Variants in ADARB2 observed in about 807,000 individuals in gnomAD.
ADARB2 encodes adenosine deaminase RNA specific B2 (inactive), also known as inactive double-stranded RNA-specific editase B2.
A neutral mutation model predicts 62.2 loss-of-function variants in ADARB2; 25 were observed. The observed-to-expected ratio is 0.40, with a 90% CI of 0.29 to 0.56. The LOEUF (loss-of-function observed/expected upper bound fraction) is 0.56, where lower values mean the gene tolerates loss of function less well. Among genes scored for constraint, ADARB2 ranks in the 20% least tolerant of loss-of-function variants. The pLI, the probability that ADARB2 is intolerant of heterozygous loss-of-function variation, is 0.43. For synonymous variants in ADARB2, 572 were observed against 500.8 expected (o/e 1.14, Z -1.90); for missense variants, 1,071 against 1,077.4 (o/e 0.99, Z 0.08).
chr10:1,573,338 C>A (rs1832965917), intron 1 of ADARB2, among the ~76,000 whole-genome samples: 1 of 152,196 alleles, frequency 6.6e-6, no homozygotes, highest in African/African-American at 2.4e-5. Context: ...CCATGTGCAC[C>A]AGCTGTCAAT....
At chr10:1,662,937 G>A (rs537202912) in intron 1 of ADARB2, among the ~76,000 whole-genome samples, 8 of 152,316 alleles carry the variant, frequency 5.3e-5, no homozygotes, top group South Asian at 2.1e-4. Flanking sequence ...TCAGCAGAAC[G>A]CCAGGGTGTG....
chr10:1,273,150 G>C (rs1831279093), intron 3 of ADARB2, among the ~76,000 whole-genome samples: 1 of 152,054 alleles, frequency 6.6e-6, no homozygotes, highest in South Asian at 2.1e-4. Flanking sequence ...TGCAGAGAAC[G>C]TTTTCTCAGT....
chr10:1,498,871 T>C (rs966644335), intron 1 of ADARB2, among the ~76,000 whole-genome samples: 1 of 151,802 alleles, frequency 6.6e-6, no homozygotes, highest in Non-Finnish European at 1.5e-5. Context: ...TCATTTATCA[T>C]TCAGTCATTA....
chr10:1,604,354 A>G (rs1208954058), intron 1 of ADARB2, among the ~76,000 whole-genome samples: 1 of 152,156 alleles, frequency 6.6e-6, no homozygotes, highest in Non-Finnish European at 1.5e-5. Flanking sequence ...CCCGACGTTG[A>G]CTGTTTCTAG....
At chr10:1,273,781 G>C (rs553538708) in intron 3 of ADARB2, among the ~76,000 whole-genome samples, 5 of 152,306 alleles carry the variant, frequency 3.3e-5, no homozygotes, top group Admixed American at 2.6e-4. Flanking sequence ...CCCACCACAG[G>C]CTCCTGCAGG....
At chr10:1,399,560 C>G (rs989390448) in intron 1 of ADARB2, among the ~76,000 whole-genome samples, 3 of 152,158 alleles carry the variant, frequency 2.0e-5, no homozygotes, top group African/African-American at 7.2e-5. Context: ...TGCCTCTCAG[C>G]TTCCCGGGAA....
chr10:1,211,548 G>C (rs1434204798), intron 7 of ADARB2, among the ~76,000 whole-genome samples: 1 of 152,184 alleles, frequency 6.6e-6, no homozygotes, highest in Non-Finnish European at 1.5e-5. Context: ...GGCCTCCCGG[G>C]TTCAGACAGT....
chr10:1,550,103 A>G (rs1249663661), intron 1 of ADARB2, among the ~76,000 whole-genome samples: 2 of 152,156 alleles, frequency 1.3e-5, no homozygotes, highest in Non-Finnish European at 2.9e-5. Flanking sequence ...CCTCTTTCCA[A>G]TAAGCTCTGA....
chr10:1,541,350 C>T (rs71500118), intron 1 of ADARB2, among the ~76,000 whole-genome samples: 4 of 45,886 alleles, frequency 8.7e-5, no homozygotes, highest in Non-Finnish European at 1.4e-4. Flanking sequence ...AGACGCAGTT[C>T]GGACCCTGGA....
chr10:1,694,100 T>C (rs1834707090), intron 1 of ADARB2, among the ~76,000 whole-genome samples: 2 of 152,372 alleles, frequency 1.3e-5, no homozygotes, highest in South Asian at 4.1e-4. Flanking sequence ...GTTTGGGTTT[T>C]CATCATGTAA....
At chr10:1,666,934 G>T (rs757922924) in intron 1 of ADARB2, among the ~76,000 whole-genome samples, 1 of 152,144 alleles carries the variant, frequency 6.6e-6, no homozygotes, top group Non-Finnish European at 1.5e-5. Flanking sequence ...TGACAAACAT[G>T]TCTGTTTACG....
At chr10:1,733,305 A>AATTC (rs1402792758) in intron 1 of ADARB2, among the ~76,000 whole-genome samples, 5 of 152,218 alleles carry the variant, frequency 3.3e-5, no homozygotes, top group Admixed American at 6.5e-5. Context: ...TTCAAAGAAA[A>AATTC]ATTCTGGAAA....
At chr10:1,683,657 G>T (rs1834567044) in intron 1 of ADARB2, among the ~76,000 whole-genome samples, 1 of 152,122 alleles carries the variant, frequency 6.6e-6, no homozygotes, top group Non-Finnish European at 1.5e-5. Context: ...GTCAGAGCGG[G>T]TCATGGCAAA....
At chr10:1,633,457 A>G (rs1183507758) in intron 1 of ADARB2, among the ~76,000 whole-genome samples, 1 of 152,198 alleles carries the variant, frequency 6.6e-6, no homozygotes, top group Non-Finnish European at 1.5e-5. Context: ...TATTGAAAAT[A>G]TTCCAAAATC....
Position 1,413,259 on chromosome 10 carries a change from A to G in ADARB2, c.101-34099T>C, listed in dbSNP as rs894785087. 3.9e-5 allele frequency among the ~76,000 whole-genome samples: 6 copies of G among 152,156 alleles called. 1 individual carries two copies. Among genetic ancestry groups the G allele is most frequent in the Admixed American group, 3.9e-4 (6 of 15,298 alleles). ...TGAGAACATGAGTGGGAGATGGTGC[A>G]GGAAGGGGGTCCCCAGCCAATGTCC... On this transcript the variant is annotated intron_variant, in intron 1 of 9. Transcript: ENST00000381312.
intron 1 of ADARB2, among the ~76,000 whole-genome samples, chr10:1,519,571 A>G (rs892889104): frequency 6.6e-6 from 1 of 152,110 alleles, no homozygotes; most frequent in South Asian, 2.1e-4. Context: ...CCGGTGCCCT[A>G]CTGTGGTTCA....
At chr10:1,581,260 C>A (rs1168008417) in intron 1 of ADARB2, among the ~76,000 whole-genome samples, 3 of 152,224 alleles carry the variant, frequency 2.0e-5, no homozygotes, top group Non-Finnish European at 4.4e-5. Flanking sequence ...AGGCTTAAAC[C>A]CATCAGACGT....
At chr10:1,646,396 C>T (rs962168488) in intron 1 of ADARB2, among the ~76,000 whole-genome samples, 2 of 152,216 alleles carry the variant, frequency 1.3e-5, no homozygotes, top group African/African-American at 2.4e-5. Context: ...TCTTGGCATC[C>T]TTTGAATCCA....
intron 1 of ADARB2, among the ~76,000 whole-genome samples, chr10:1,634,147 C>A (rs988538126): frequency 6.6e-6 from 1 of 152,110 alleles, no homozygotes; most frequent in Non-Finnish European, 1.5e-5. Context: ...CCCTCAACAC[C>A]GGGAGGACCC....
Sources: gnomAD v4.1 joint callset for allele counts (sites outside exome capture counted in the v4.1 genomes callset) on GRCh38, gnomAD v4.1.1 for gene constraint, MANE v1.5 for transcripts, NCBI Gene and HGNC (gene_info 2026-07-23, HGNC 2026-07-21) for gene names.